The following ZNG1B variants were observed in gnomAD, a reference collection of about 807,000 sequenced individuals.
ZNG1B encodes the protein Zn regulated GTPase metalloprotein activator 1B, also known as zinc-regulated GTPase metalloprotein activator 1B.
the ZNG1B span, among the ~76,000 whole-genome samples, chr2:113,461,017 A>G: frequency 1.4e-5 from 2 of 142,366 alleles, no homozygotes; most frequent in East Asian, 2.2e-4. Flanking sequence ...TTTCTTTGGG[A>G]TTGAAGATTT....
At chr2:113,472,111 G>A in the ZNG1B span, among the ~76,000 whole-genome samples, 3 of 147,884 alleles carry the variant, frequency 2.0e-5, no homozygotes, top group Non-Finnish European at 3.0e-5. Flanking sequence ...CAGTGTAAAA[G>A]TGTTCCTATT....
the ZNG1B span, chr2:113,439,184 T>G: frequency 1.0e-5 from 13 of 1,273,042 alleles, no homozygotes; most frequent in Admixed American, 3.1e-4. Flanking sequence ...CCAGCAACCT[T>G]GTTGCTGAAT....
At chr2:113,470,958 A>G in the ZNG1B span, 1 of 1,583,118 alleles carries the variant, frequency 6.3e-7, no homozygotes, top group East Asian at 2.2e-5. Flanking sequence ...TTTAAGAGTC[A>G]GAGTTTTTTT....
chr2:113,443,291 A>G, the ZNG1B span, among the ~76,000 whole-genome samples: 1 of 151,914 alleles, frequency 6.6e-6, no homozygotes, highest in African/African-American at 2.4e-5. Flanking sequence ...AAGATGAACT[A>G]GGGTTTTTAC....
the ZNG1B span, among the ~76,000 whole-genome samples, chr2:113,477,441 C>A: frequency 6.6e-6 from 1 of 152,218 alleles, no homozygotes; most frequent in East Asian, 1.9e-4. Flanking sequence ...TGAGATGAAC[C>A]CGGTACCTCA....
the ZNG1B span, among the ~76,000 whole-genome samples, chr2:113,463,894 A>G: frequency 1.3e-5 from 2 of 152,008 alleles, no homozygotes; most frequent in African/African-American, 4.8e-5. Context: ...TGATTTTGAA[A>G]AGGAGAAAGT....
chr2:113,445,510 A>G, the ZNG1B span: 3 of 162,878 alleles, frequency 1.8e-5, no homozygotes, highest in African/African-American at 7.3e-5. Flanking sequence ...ACTTTAAATC[A>G]TCTGTAGATT....
chr2:113,477,881 A>G, the ZNG1B span, among the ~76,000 whole-genome samples: 7 of 152,162 alleles, frequency 4.6e-5, no homozygotes, highest in African/African-American at 1.4e-4. Flanking sequence ...GGGGTTGACT[A>G]TTTTAATTAC....
chr2:113,489,132 A>G, the ZNG1B span, among the ~76,000 whole-genome samples: 1 of 152,256 alleles, frequency 6.6e-6, no homozygotes, highest in South Asian at 2.1e-4. Context: ...CTATAAAGGA[A>G]AACTTACCAG....
the ZNG1B span, chr2:113,482,024 T>C: frequency 1.0e-6 from 1 of 991,226 alleles, no homozygotes; most frequent in Non-Finnish European, 1.5e-6. Context: ...CTTTTCTCTA[T>C]TGGAATTTGC....
chr2:113,480,143 T>G, the ZNG1B span, among the ~76,000 whole-genome samples: 1 of 151,446 alleles, frequency 6.6e-6, no homozygotes, highest in Non-Finnish European at 1.5e-5. Flanking sequence ...TATATTTATT[T>G]AATTATTTTA....
chr2:113,457,983 G>T, the ZNG1B span, among the ~76,000 whole-genome samples: 2 of 145,712 alleles, frequency 1.4e-5, no homozygotes, highest in South Asian at 4.5e-4. Context: ...GAATATGTTG[G>T]ATTAATTAGT....
chr2:113,437,739 C>G, the ZNG1B span: 1 of 1,522,418 alleles, frequency 6.6e-7, no homozygotes, highest in Non-Finnish European at 8.9e-7. Context: ...CGGGCGGGAT[C>G]AGCGAGCGTC....
the ZNG1B span, among the ~76,000 whole-genome samples, chr2:113,483,609 GA>G: frequency 6.6e-6 from 1 of 150,482 alleles, no homozygotes; most frequent in Non-Finnish European, 1.5e-5. Flanking sequence ...AGATTTCAAA[GA>G]TATAAAAGAA....
chr2:113,437,703 G>C, the ZNG1B span: 9 of 1,507,056 alleles, frequency 6.0e-6, no homozygotes, highest in Non-Finnish European at 8.1e-6. Context: ...GGGACGAGGC[G>C]CTTCTCGTCC....
At chr2:113,474,564 CT>C in the ZNG1B span, among the ~76,000 whole-genome samples, 1 of 146,814 alleles carries the variant, frequency 6.8e-6, no homozygotes, top group African/African-American at 2.6e-5. Flanking sequence ...TTTTCTAGTT[CT>C]TTTAATTGTG....
the ZNG1B span, among the ~76,000 whole-genome samples, chr2:113,438,217 C>T: frequency 1.3e-4 from 20 of 152,220 alleles, no homozygotes; most frequent in African/African-American, 4.3e-4. Flanking sequence ...GCCCCCTCTG[C>T]GTTAGATTCC....
At chr2:113,439,056 T>G in the ZNG1B span, 22 of 1,540,592 alleles carry the variant, frequency 1.4e-5, no homozygotes, top group Non-Finnish European at 1.8e-5. Context: ...GATGAACAAA[T>G]TTCTTGTCCA....
chr2:113,483,934 A>G, the ZNG1B span, among the ~76,000 whole-genome samples: 1 of 152,248 alleles, frequency 6.6e-6, no homozygotes, highest in African/African-American at 2.4e-5. Flanking sequence ...CCTGCTTTAG[A>G]TAATATAAAC....
Sources: gnomAD v4.1 joint callset for allele counts (sites outside exome capture counted in the v4.1 genomes callset) on GRCh38, gnomAD v4.1.1 for gene constraint, MANE v1.5 for transcripts, NCBI Gene and HGNC (gene_info 2026-07-23, HGNC 2026-07-21) for gene names.